The following VPS13A variants were observed in gnomAD, a reference collection of about 807,000 sequenced individuals.
VPS13A encodes the protein vacuolar protein sorting 13 homolog A.
In VPS13A, 264 loss-of-function variants were observed where a neutral mutation model predicts 390.9. The observed-to-expected ratio is 0.68, with a 90% CI of 0.61 to 0.75. The LOEUF (loss-of-function observed/expected upper bound fraction) is 0.75, where lower values mean the gene tolerates loss of function less well. Among genes scored for constraint, VPS13A ranks in the 30% least tolerant of loss-of-function variants. The pLI, the probability that VPS13A is intolerant of heterozygous loss-of-function variation, is 0.00. For synonymous variants in VPS13A, 1,231 were observed against 1,227.1 expected (o/e 1.00, Z -0.07); for missense variants, 3,409 against 3,733.9 (o/e 0.91, Z 2.27).
At chr9:77,311,980 T>C (rs1019373442) in intron 35 of VPS13A, among the ~76,000 whole-genome samples, 1 of 152,104 alleles carries the variant, frequency 6.6e-6, no homozygotes, top group South Asian at 2.1e-4. Context: ...AAATAAAATA[T>C]ATCAGAATTT....
chr9:77,325,305 C>T (rs1389822565), intron 45 of VPS13A, among the ~76,000 whole-genome samples: 1 of 152,100 alleles, frequency 6.6e-6, no homozygotes, highest in Non-Finnish European at 1.5e-5. Context: ...CTTAACAGGC[C>T]ACAGACCGGT....
chr9:77,266,993 C>T (rs899330278), intron 23 of VPS13A, among the ~76,000 whole-genome samples: 6 of 151,998 alleles, frequency 3.9e-5, no homozygotes, highest in African/African-American at 1.4e-4. Context: ...AGTTCTCATG[C>T]TGTGTTTTCC....
intron 68 of VPS13A, among the ~76,000 whole-genome samples, chr9:77,386,673 G>A (rs1833696517): frequency 6.6e-6 from 1 of 150,960 alleles, no homozygotes; most frequent in Non-Finnish European, 1.5e-5. Flanking sequence ...TCAGTTTTTA[G>A]CCCTTAGAGA....
intron 69 of VPS13A, among the ~76,000 whole-genome samples, chr9:77,403,607 T>C (rs1834476551): frequency 6.6e-6 from 1 of 152,236 alleles, no homozygotes; most frequent in Admixed American, 6.5e-5. Flanking sequence ...AAAGTAAGCT[T>C]TCTCCTCTCT....
At chr9:77,368,256 AG>A (rs1832546715) in intron 62 of VPS13A, 120 bp downstream of exon 62, 1 of 792,368 alleles carries the variant, frequency 1.3e-6, no homozygotes, top group South Asian at 1.6e-5. Flanking sequence ...AAATTATTAA[AG>A]CATGGGTATT....
chr9:77,256,837 A>C (rs1406231277), intron 22 of VPS13A, among the ~76,000 whole-genome samples: 1 of 150,922 alleles, frequency 6.6e-6, no homozygotes, highest in Non-Finnish European at 1.5e-5. Flanking sequence ...GATTATTTGC[A>C]TGGAATGTCT....
intron 31 of VPS13A, among the ~76,000 whole-genome samples, chr9:77,286,031 C>G (rs1300723873): frequency 2.0e-5 from 3 of 152,134 alleles, no homozygotes; most frequent in Non-Finnish European, 2.9e-5. Context: ...CAGTGAGATT[C>G]AGGGTTTGGG....
At chr9:77,248,551 A>G (rs1824965478) in intron 20 of VPS13A, among the ~76,000 whole-genome samples, 1 of 151,250 alleles carries the variant, frequency 6.6e-6, no homozygotes, top group South Asian at 2.1e-4. Flanking sequence ...TTTCTTTCCA[A>G]ATTTTCAGTA....
At chr9:77,232,228 A>T (rs1183870171) in intron 17 of VPS13A, among the ~76,000 whole-genome samples, 1 of 152,108 alleles carries the variant, frequency 6.6e-6, no homozygotes. Context: ...TCTTTCAAGA[A>T]TGTTTTAGCT....
At chr9:77,333,813 A>G (rs1171742779) in intron 46 of VPS13A, among the ~76,000 whole-genome samples, 1 of 152,184 alleles carries the variant, frequency 6.6e-6, no homozygotes, top group Non-Finnish European at 1.5e-5. Context: ...ATATTTTATT[A>G]AAATATTTAA....
rs2131325474 is a variant in VPS13A at position 77,273,351 on chromosome 9, TG to T, written c.2500del (p.Val834PhefsTer43). On this transcript the variant is annotated frameshift_variant, in exon 24 of 72. Transcript: ENST00000360280. LOFTEE classifies it high-confidence loss of function. ...TAATTCCTCTCTTGGAACTTCCATC[TG>T]TTTCTGAAGATGGTAAAATGAAACT... The part of the protein sequence containing the change: ...KIIPLLELPS[V>X]SEDDSEEEFF... The T allele has an allele frequency of 7.5e-6, 12 of 1,609,976 alleles. No homozygotes were observed. The highest frequency in any genetic ancestry group is 1.0e-5 in the Non-Finnish European group (12 of 1,177,812).
chr9:77,207,428 A>G (rs1825745889), intron 5 of VPS13A, among the ~76,000 whole-genome samples: 4 of 150,528 alleles, frequency 2.7e-5, no homozygotes, highest in Admixed American at 2.0e-4. Flanking sequence ...TTTATGATGT[A>G]CTATGAAGAT....
At chr9:77,237,580 G>T (rs1024191598) in intron 17 of VPS13A, among the ~76,000 whole-genome samples, 2 of 152,076 alleles carry the variant, frequency 1.3e-5, no homozygotes, top group Admixed American at 1.3e-4. Flanking sequence ...GGCCAGTTTG[G>T]TCTCGAACTC....
rs1832708752 is a variant in VPS13A, at chr9:77,370,839, C to T, written c.8908-51C>T. The T allele has an allele frequency of 6.2e-6, 10 of 1,609,730 alleles. No individual in the cohort carries two copies. The East Asian group carries it at 2.2e-4, about 36-fold the overall frequency. ...TTTGTGTAATCCAAACTTGGTTCTT[C>T]TAGGCATCATAAAAAAGTATTGTAA... On this transcript the variant is annotated intron_variant, in intron 65 of 71. Transcript: ENST00000360280.
chr9:77,373,643 A>C (rs904885601), intron 67 of VPS13A, among the ~76,000 whole-genome samples: 3 of 151,266 alleles, frequency 2.0e-5, no homozygotes, highest in Admixed American at 6.6e-5. Context: ...AATGGGATCT[A>C]ATTAAACTAA....
intron 68 of VPS13A, among the ~76,000 whole-genome samples, chr9:77,387,802 G>A (rs1833750437): frequency 6.6e-6 from 1 of 152,148 alleles, no homozygotes; most frequent in African/African-American, 2.4e-5. Flanking sequence ...AGTGTTGAAT[G>A]TTGATTTTAA....
intron 68 of VPS13A, among the ~76,000 whole-genome samples, chr9:77,397,641 C>T (rs569977031): frequency 6.6e-6 from 1 of 152,174 alleles, no homozygotes; most frequent in African/African-American, 2.4e-5. Context: ...TGGCTCTGTC[C>T]TTCAAGTTCC....
intron 31 of VPS13A, among the ~76,000 whole-genome samples, chr9:77,290,625 TC>T (rs903048673): frequency 2.1e-4 from 32 of 152,284 alleles, no homozygotes; most frequent in African/African-American, 7.0e-4. Flanking sequence ...TCAAGTTTTT[TC>T]CCCATTGTTT....
At chr9:77,348,878 A>G (rs556022701) in intron 52 of VPS13A, among the ~76,000 whole-genome samples, 4 of 152,330 alleles carry the variant, frequency 2.6e-5, no homozygotes, top group East Asian at 1.9e-4. Flanking sequence ...ATACTCTGCA[A>G]TGAATTAAAC....
Sources: gnomAD v4.1 joint callset for allele counts (sites outside exome capture counted in the v4.1 genomes callset) on GRCh38, gnomAD v4.1.1 for gene constraint, MANE v1.5 for transcripts, NCBI Gene and HGNC (gene_info 2026-07-23, HGNC 2026-07-21) for gene names.